CNTN3: variants seen among roughly 807,000 people sequenced by gnomAD.
CNTN3 encodes contactin-3.
Under a neutral mutation model 119.1 loss-of-function variants are expected in CNTN3, and 60 were observed. That is an observed-to-expected ratio of 0.50 (90% CI 0.41 to 0.62). The LOEUF is 0.62. Among genes scored for constraint, CNTN3 ranks in the 20% least tolerant of loss-of-function variants. The pLI is 0.00. For missense variants in CNTN3, 1,101 were observed against 1,242.4 expected (o/e 0.89, Z 1.71); for synonymous variants, 450 against 438.7 (o/e 1.03, Z -0.32).
At chr3:74,468,778 C>T (rs1297359587) in intron 4 of CNTN3, among the ~76,000 whole-genome samples, 3 of 143,926 alleles carry the variant, frequency 2.1e-5, no homozygotes, top group African/African-American at 7.8e-5. Context: ...CAAACAAGTG[C>T]CACTTCCAGT....
chr3:74,570,548 A>C (rs964974895), intron 1 of CNTN3, among the ~76,000 whole-genome samples: 20 of 151,988 alleles, frequency 1.3e-4, no homozygotes, highest in Non-Finnish European at 2.5e-4. Flanking sequence ...TAAGGACAAA[A>C]AAAAAAAAAA....
intron 3 of CNTN3, among the ~76,000 whole-genome samples, chr3:74,496,185 G>T (rs2107069377): frequency 6.6e-6 from 1 of 152,138 alleles, no homozygotes; most frequent in Non-Finnish European, 1.5e-5. Context: ...ACTAAAAGTT[G>T]GAAACACAAG....
intron 1 of CNTN3, among the ~76,000 whole-genome samples, chr3:74,572,489 A>C (rs1031799057): frequency 6.6e-6 from 1 of 152,218 alleles, no homozygotes; most frequent in Non-Finnish European, 1.5e-5. Flanking sequence ...CGATCTATTT[A>C]TAACAAAATA....
rs182948005 is a variant in CNTN3 at position 74,349,876 on chromosome 3, G to C, written c.1364+12014C>G. Reference sequence around the variant, plus strand: ...CCTGTAAATAAAACATTTATACTGGGCAAAGATATGAATTATTTATCCAGT... The same window carrying C: ...CCTGTAAATAAAACATTTATACTGGCCAAAGATATGAATTATTTATCCAGT... On this transcript the variant is annotated intron_variant, in intron 11 of 22. Transcript: ENST00000263665. Among the ~76,000 whole-genome samples, 813 of 152,256 alleles carry C rather than the reference G, an allele frequency of 5.3e-3. 5 individuals are homozygous for C. The highest frequency in any genetic ancestry group is 0.019 in the African/African-American group (784 of 41,538).
intron 4 of CNTN3, among the ~76,000 whole-genome samples, chr3:74,433,723 A>G (rs907466830): frequency 3.3e-5 from 5 of 152,312 alleles, no homozygotes; most frequent in Admixed American, 2.6e-4. Context: ...AAGCACAAAA[A>G]TGCTAGCCCA....
chr3:74,359,400 C>T (rs892611300), intron 11 of CNTN3, among the ~76,000 whole-genome samples: 6 of 152,008 alleles, frequency 3.9e-5, no homozygotes, highest in African/African-American at 7.3e-5. Context: ...GAAGAGGAAA[C>T]GGAGGTTCAG....
chr3:74,564,836 T>C (rs1165142067), intron 1 of CNTN3, among the ~76,000 whole-genome samples: 1 of 152,078 alleles, frequency 6.6e-6, no homozygotes, highest in Non-Finnish European at 1.5e-5. Flanking sequence ...AGTCTGTTTC[T>C]ACTGCTTGCA....
Position 74,369,180 on chromosome 3 carries a change from G to T in CNTN3, c.946+9C>A. ...CTAAAACTCCAATTTGCCCAAAGCAGATGCTCACCATAGTAAGTGAGACGC... is the reference window on the plus strand; with the variant it reads ...CTAAAACTCCAATTTGCCCAAAGCATATGCTCACCATAGTAAGTGAGACGC... On this transcript the variant is annotated intron_variant, in intron 8 of 22. Coordinates refer to ENST00000263665, the MANE Select transcript of CNTN3 (RefSeq NM_020872.3). 6.3e-7 allele frequency: 1 copy of T among 1,577,222 alleles called. No individual in the cohort carries two copies. Among genetic ancestry groups the T allele is most frequent in the Non-Finnish European group, 8.6e-7 (1 of 1,163,936 alleles).
chr3:74,277,304 G>A (rs574275034), intron 20 of CNTN3, among the ~76,000 whole-genome samples: 11 of 152,002 alleles, frequency 7.2e-5, no homozygotes, highest in South Asian at 2.1e-4. Context: ...ACCAGGAAAA[G>A]ACATAACCAA....
chr3:74,595,780 A>C, intron 1 of CNTN3, among the ~76,000 whole-genome samples: 1 of 152,144 alleles, frequency 6.6e-6, no homozygotes, highest in Non-Finnish European at 1.5e-5. Context: ...AAACTGGCAC[A>C]AGACAGGGAT....
chr3:74,606,207 T>C (rs1297334115), intron 1 of CNTN3, among the ~76,000 whole-genome samples: 7 of 151,902 alleles, frequency 4.6e-5, no homozygotes, highest in Non-Finnish European at 8.8e-5. Flanking sequence ...GAGAGGCAGA[T>C]AAAAAGATGG....
intron 4 of CNTN3, among the ~76,000 whole-genome samples, chr3:74,455,268 G>A (rs551613757): frequency 3.2e-4 from 48 of 151,740 alleles, no homozygotes; most frequent in African/African-American, 1.0e-3. Context: ...TTCCATCGCT[G>A]ATACCCTTTC....
intron 15 of CNTN3, 36 bp downstream of exon 15, chr3:74,301,611 T>C: frequency 1.2e-6 from 2 of 1,613,176 alleles, no homozygotes; most frequent in Non-Finnish European, 1.7e-6. Flanking sequence ...AATCCATTTA[T>C]ATGTGTGCAG....
intron 4 of CNTN3, among the ~76,000 whole-genome samples, chr3:74,438,891 TCTC>T (rs1701915082): frequency 6.6e-6 from 1 of 152,126 alleles, no homozygotes; most frequent in Non-Finnish European, 1.5e-5. Flanking sequence ...ATGCAATAAT[TCTC>T]CTAACTCAAC....
Position 74,448,574 on chromosome 3 carries a change from T to G in CNTN3, c.359-23634A>C, listed in dbSNP as rs145502920. 2.1e-3 allele frequency among the ~76,000 whole-genome samples: 314 copies of G among 152,230 alleles called. 1 individual carries two copies. Among genetic ancestry groups the G allele is most frequent in the African/African-American group, 7.2e-3 (298 of 41,548 alleles). On this transcript the variant is annotated intron_variant, in intron 4 of 22. Transcript: ENST00000263665. ...CCTGCTAACCTGAGGAACTTATAAATTATTTAGCTTGCCTACACACACCTC... is the reference window on the plus strand; with the variant it reads ...CCTGCTAACCTGAGGAACTTATAAAGTATTTAGCTTGCCTACACACACCTC...
rs547064576 is a variant in CNTN3 at position 74,296,533 on chromosome 3, T to C, written c.2402-1297A>G. Reference sequence around the variant, plus strand: ...TCAACCAAAAGTGAGAACACAAGAATAGGGGCGGGGAGCCGAAGAAAAATC... The same window carrying C: ...TCAACCAAAAGTGAGAACACAAGAACAGGGGCGGGGAGCCGAAGAAAAATC... On this transcript the variant is annotated intron_variant, in intron 18 of 22. Coordinates refer to ENST00000263665, the MANE Select transcript of CNTN3 (RefSeq NM_020872.3). 4.3e-4 allele frequency among the ~76,000 whole-genome samples: 65 copies of C among 152,166 alleles called. 1 individual carries two copies. The highest frequency in any genetic ancestry group is 2.2e-3 in the Admixed American group (33 of 15,286).
At chr3:74,291,263 G>C (rs555647480) in intron 19 of CNTN3, among the ~76,000 whole-genome samples, 2 of 152,246 alleles carry the variant, frequency 1.3e-5, no homozygotes, top group Admixed American at 1.3e-4. Context: ...GTATTCCATG[G>C]TGTATATGTG....
intron 1 of CNTN3, among the ~76,000 whole-genome samples, chr3:74,589,095 A>G (rs1371540968): frequency 2.0e-5 from 3 of 150,758 alleles, no homozygotes; most frequent in Non-Finnish European, 4.5e-5. Flanking sequence ...CAAAAGCCAA[A>G]ATTGACAAAT....
intron 11 of CNTN3, among the ~76,000 whole-genome samples, chr3:74,358,626 G>A (rs7637719): frequency 0.49 from 69,455 of 141,272 alleles, 17,876 homozygotes; most frequent in African/African-American, 0.7. Flanking sequence ...TATTTTTATT[G>A]TACTTTAAGT....
Sources: allele counts gnomAD v4.1 joint callset (sites outside exome capture counted in the v4.1 genomes callset), GRCh38; gene constraint gnomAD v4.1.1; transcripts MANE v1.5; gene names NCBI Gene and HGNC (gene_info 2026-07-23, HGNC 2026-07-21).